Variants in KDM3A observed in about 807,000 individuals in gnomAD.
The protein encoded by KDM3A is lysine-specific demethylase 3A.
In KDM3A, 60 loss-of-function variants were observed where a neutral mutation model predicts 158.0. That is an observed-to-expected ratio of 0.38 (90% CI 0.31 to 0.47). KDM3A has a LOEUF of 0.47. KDM3A is among the 20% of genes least tolerant of loss of function. KDM3A has a pLI of 0.99. For synonymous variants in KDM3A, 608 were observed against 549.3 expected, an observed-to-expected ratio of 1.11 and a Z score of -1.49; for missense variants, 1,319 against 1,574.3, an observed-to-expected ratio of 0.84 and a Z score of 2.74.
rs550804013 is a variant in KDM3A at position 86,456,661 on chromosome 2, A to G, written c.681+95A>G. On this transcript the variant is annotated intron_variant, in intron 6 of 25. Transcript: ENST00000312912. Reference sequence around the variant, plus strand: ...TTTCTAGGCACTAAATACCTTTATTATTTTATAGGGTAGAAATAATTACAG... The same window carrying G: ...TTTCTAGGCACTAAATACCTTTATTGTTTTATAGGGTAGAAATAATTACAG... 2.5e-4 allele frequency: 329 copies of G among 1,320,514 alleles called. 1 individual carries two copies. In the African/African-American group the frequency reaches 4.7e-3, roughly 19 times the overall value. 81.8% of individuals were successfully genotyped at this position (1,320,514 alleles called of 1,614,324 possible). A position where few individuals can be genotyped will look rare whatever the true frequency, so the allele number is the denominator to read the frequency against.
At chr2:86,476,678 T>G (rs572198404) in intron 12 of KDM3A, among the ~76,000 whole-genome samples, 1 of 152,350 alleles carries the variant, frequency 6.6e-6, no homozygotes, top group South Asian at 2.1e-4. Flanking sequence ...GATGAAACAG[T>G]CTAATCCAGG....
At chr2:86,456,407 T>C in intron 5 of KDM3A, 35 bp from the exon 6 acceptor site, 2 of 1,377,392 alleles carry the variant, frequency 1.5e-6, no homozygotes, top group Non-Finnish European at 1.9e-6. Context: ...TAATGCAAAT[T>C]GCTCTAAGAT....
Position 86,442,209 on chromosome 2 carries a change from C to A in KDM3A, c.162C>A (p.Thr54=). The A allele has an allele frequency of 6.2e-7, 1 of 1,611,268 alleles. No homozygotes were observed. The highest frequency in any genetic ancestry group is 8.5e-7 in the Non-Finnish European group (1 of 1,178,440). ...LSGTIRAVSH[T]DVTKKDLKVC... The stretch of plus-strand genomic sequence containing the variant: ...GGACCATTCGAGCTGTTTCCCACAC[C>A]GACGTTACCAAGAAGGATCTGAAGG... Residue 54 remains threonine, a synonymous_variant, in exon 2 of 26, where the codon ACC becomes ACA. Transcript: ENST00000312912.
At chr2:86,449,214 C>T (rs990200803) in intron 2 of KDM3A, among the ~76,000 whole-genome samples, 1 of 152,148 alleles carries the variant, frequency 6.6e-6, no homozygotes, top group African/African-American at 2.4e-5. Flanking sequence ...GTTAATCACT[C>T]GTTTCTATGT....
At position 86,482,013 on chromosome 2, in the gene KDM3A, C is replaced by A. The variant is rs768062449; in HGVS notation, c.2596C>A (p.Leu866Ile). Residue 866 changes from leucine to isoleucine, a missense_variant, in exon 17 of 26, where the codon CTC becomes ATC. Coordinates refer to ENST00000312912, the MANE Select transcript of KDM3A (RefSeq NM_018433.6). ...ACCTTTAAGCAAATCCAGCACAGTC[C>A]TCCATACGTTTAACAGCACAATTTT... ...LPPLSKSSTVLHTFNSTILTP... is the reference protein window; with the variant it reads ...LPPLSKSSTVIHTFNSTILTP... The A allele has an allele frequency of 6.2e-7, 1 of 1,613,876 alleles. No homozygotes were observed. The highest frequency in any genetic ancestry group is 1.3e-5 in the African/African-American group (1 of 74,908).
chr2:86,491,500 C>A, intron 25 of KDM3A: 2 of 539,754 alleles, frequency 3.7e-6, no homozygotes, highest in Non-Finnish European at 6.6e-6. Flanking sequence ...CTATAAGGGA[C>A]TGTCCCCACA....
Position 86,476,977 on chromosome 2 carries a change from G to A in KDM3A, c.1940-900G>A, listed in dbSNP as rs562423904. On this transcript the variant is annotated intron_variant, in intron 12 of 25. Transcript: ENST00000312912. ...TGACTGCCAGGAGTCTCCTAGTCAG[G>A]AGACCTTGGGCTTTTCTGTGACCCA... Among the ~76,000 whole-genome samples the A allele has an allele frequency of 2.0e-5, 3 of 152,320 alleles. No homozygotes were observed. In the South Asian group the frequency reaches 6.2e-4, roughly 32 times the overall value.
chr2:86,481,645 A>C (rs573708291), intron 16 of KDM3A, among the ~76,000 whole-genome samples: 1 of 152,308 alleles, frequency 6.6e-6, no homozygotes, highest in East Asian at 1.9e-4. Flanking sequence ...ATTTGTAGAC[A>C]GTACATGCAA....
At chr2:86,449,048 T>C (rs1016343939) in intron 2 of KDM3A, among the ~76,000 whole-genome samples, 1 of 152,226 alleles carries the variant, frequency 6.6e-6, no homozygotes, top group African/African-American at 2.4e-5. Flanking sequence ...TCTTTAAATA[T>C]GTATACAGGT....
chr2:86,450,056 C>A, intron 3 of KDM3A, 94 bp downstream of exon 3: 1 of 1,310,314 alleles, frequency 7.6e-7, no homozygotes, highest in Non-Finnish European at 1.0e-6. Flanking sequence ...GCCAGAAAGT[C>A]AGAAAAGCTC....
chr2:86,454,089 C>T (rs80253523), intron 4 of KDM3A, among the ~76,000 whole-genome samples: 2,808 of 152,298 alleles, frequency 0.018, 52 homozygotes, highest in East Asian at 0.074. Flanking sequence ...CTTACTCTGA[C>T]GCCTTAGGCT....
intron 11 of KDM3A, 126 bp from the exon 12 acceptor site, chr2:86,474,650 C>T (rs1673569394): frequency 9.6e-6 from 6 of 622,962 alleles, no homozygotes; most frequent in Non-Finnish European, 1.3e-5. Flanking sequence ...GGTGACAGAG[C>T]GAGACTCCAT....
chr2:86,451,165 A>T lies in KDM3A; in HGVS notation c.405A>T (p.Gly135=), dbSNP rs1187828270. 6.2e-7 allele frequency: 1 copy of T among 1,612,242 alleles called. No individual in the cohort carries two copies. The highest frequency in any genetic ancestry group is 1.7e-5 in the Admixed American group (1 of 59,468). Reference sequence around the variant, plus strand: ...CCATAACTTCTGTTCGCTTTCTGGGAGATCAACAAAGAGTATTTCTTTCTA... The same window carrying T: ...CCATAACTTCTGTTCGCTTTCTGGGTGATCAACAAAGAGTATTTCTTTCTA... ...LGSITSVRFL[G]DQQRVFLSKD... Residue 135 remains glycine (G), a synonymous_variant, in exon 4 of 26, where the codon GGA becomes GGT. Coordinates refer to ENST00000312912, the MANE Select transcript of KDM3A (RefSeq NM_018433.6).
chr2:86,455,294 C>A, intron 5 of KDM3A, 107 bp downstream of exon 5: 3 of 538,472 alleles, frequency 5.6e-6, no homozygotes, highest in South Asian at 2.3e-5. Context: ...TTTCTTTTTT[C>A]TTTTTTTTTT....
At chr2:86,463,328 A>C (rs539993196) in intron 8 of KDM3A, among the ~76,000 whole-genome samples, 1 of 152,188 alleles carries the variant, frequency 6.6e-6, no homozygotes, top group Admixed American at 6.5e-5. Context: ...GCCTTAGACT[A>C]GTTGTCTTGA....
chr2:86,452,559 C>T (rs1436278762), intron 4 of KDM3A, among the ~76,000 whole-genome samples: 1 of 152,154 alleles, frequency 6.6e-6, no homozygotes, highest in Non-Finnish European at 1.5e-5. Context: ...AGACTGCACA[C>T]ACGCATACAA....
At chr2:86,438,751 C>A (rs1158968966), upstream of KDM3A, among the ~76,000 whole-genome samples, 1 of 151,974 alleles carries the variant, frequency 6.6e-6, no homozygotes, top group Non-Finnish European at 1.5e-5. Flanking sequence ...ATACCAGTAA[C>A]CATTACTGTA....
chr2:86,441,990 G>A (rs1213433510), intron 1 of KDM3A, 28 bp from the exon 2 acceptor site: 6 of 1,380,810 alleles, frequency 4.3e-6, no homozygotes, highest in East Asian at 3.3e-5. Flanking sequence ...GGCCGCCCCC[G>A]TCGCATTTTG....
intron 12 of KDM3A, among the ~76,000 whole-genome samples, chr2:86,477,045 A>T (rs972162008): frequency 2.6e-5 from 4 of 152,134 alleles, no homozygotes; most frequent in African/African-American, 9.7e-5. Flanking sequence ...AAGCTTGCTG[A>T]TAACCTGGTT....
Sources: allele counts gnomAD v4.1 joint callset (sites outside exome capture counted in the v4.1 genomes callset), GRCh38; gene constraint gnomAD v4.1.1; transcripts MANE v1.5; gene names NCBI Gene and HGNC (gene_info 2026-07-23, HGNC 2026-07-21).